The following TRPC5OS variants were observed in gnomAD, a reference collection of about 807,000 sequenced individuals.
TRPC5OS encodes putative uncharacterized protein TRPC5OS.
For missense variants in TRPC5OS, 64 were observed against 79.3 expected, an observed-to-expected ratio of 0.81 and a Z score of 0.73; for synonymous variants, 30 against 29.3, an observed-to-expected ratio of 1.02 and a Z score of -0.08.
Position 111,902,387 on chromosome X carries a change from A to G in TRPC5OS, c.*202A>G. ...TTTTCATCTTTGTTGTTATTCAGAA[A>G]GTTCTGTCTTTTGCCATGTAGGTCT... On this transcript the variant is annotated 3_prime_UTR_variant, in exon 4 of 4. Transcript: ENST00000635763. 1 of 304,436 alleles carries G rather than the reference A, an allele frequency of 3.3e-6. No homozygotes were observed. Among genetic ancestry groups the G allele is most frequent in the Non-Finnish European group, 5.6e-6 (1 of 177,171 alleles). The allele number at this position is 304,436 out of a possible 1,213,427, so 25.1% of individuals were successfully genotyped here.
At chrX:111,893,411 G>C (rs927154157) in intron 1 of TRPC5OS, among the ~76,000 whole-genome samples, 1 of 111,675 alleles carries the variant, frequency 9.0e-6, no homozygotes, top group Non-Finnish European at 1.9e-5. Context: ...GGTCCTACCA[G>C]GTTAAGATTG....
intron 1 of TRPC5OS, among the ~76,000 whole-genome samples, chrX:111,882,526 A>AAG (rs1924275180): frequency 8.8e-6 from 1 of 113,126 alleles, no homozygotes; most frequent in Admixed American, 9.3e-5. Context: ...CAGCTTAATC[A>AAG]AGACAAGGCC....
intron 1 of TRPC5OS, among the ~76,000 whole-genome samples, chrX:111,885,555 T>C (rs762444126): frequency 8.3e-5 from 9 of 108,728 alleles, no homozygotes; most frequent in Non-Finnish European, 1.3e-4. Context: ...TTTTTTTTTT[T>C]TTAAAAAAAG....
chrX:111,892,032 G>T (rs1490705668), intron 1 of TRPC5OS, among the ~76,000 whole-genome samples: 3 of 111,831 alleles, frequency 2.7e-5, no homozygotes, highest in African/African-American at 9.8e-5. Context: ...GCAGGCAGAG[G>T]GAAGCAATCT....
intron 1 of TRPC5OS, among the ~76,000 whole-genome samples, chrX:111,885,914 C>A (rs1006571835): frequency 9.0e-6 from 1 of 111,704 alleles, no homozygotes; most frequent in East Asian, 2.8e-4. Flanking sequence ...CTTAAGTGAA[C>A]TAAGGCAAGA....
chrX:111,886,409 A>G (rs1269270489), intron 1 of TRPC5OS, among the ~76,000 whole-genome samples: 1 of 112,578 alleles, frequency 8.9e-6, no homozygotes, highest in African/African-American at 3.2e-5. Flanking sequence ...TCCATGTATT[A>G]TCTAAAATCT....
chrX:111,876,063 T>C (rs1449604621), upstream of TRPC5OS: 1 of 107,710 alleles, frequency 9.3e-6, no homozygotes, highest in African/African-American at 3.4e-5. Context: ...AAAAGACAAA[T>C]GTGGCAAACA....
chrX:111,897,682 A>G (rs1002740810), intron 3 of TRPC5OS, among the ~76,000 whole-genome samples: 1 of 111,815 alleles, frequency 8.9e-6, no homozygotes, highest in Non-Finnish European at 1.9e-5. Context: ...AATGTTGATT[A>G]TTCCTCCATG....
chrX:111,892,584 AG>A (rs1158657534), intron 1 of TRPC5OS, among the ~76,000 whole-genome samples: 1 of 111,692 alleles, frequency 9.0e-6, no homozygotes, highest in Non-Finnish European at 1.9e-5. Flanking sequence ...AGTGCTTCAG[AG>A]GAAGTTAGAC....
At chrX:111,876,941 C>A (rs1052025250) in intron 1 of TRPC5OS, among the ~76,000 whole-genome samples, 7 of 111,554 alleles carry the variant, frequency 6.3e-5, no homozygotes, top group South Asian at 3.9e-4. Flanking sequence ...AGTCATCATG[C>A]TCAAATGCCT....
chrX:111,882,954 C>A (rs1344684567), intron 1 of TRPC5OS, among the ~76,000 whole-genome samples: 8 of 110,809 alleles, frequency 7.2e-5, no homozygotes, highest in African/African-American at 2.6e-4. Context: ...GGCATGATGG[C>A]ATGCTCCTGT....
chrX:111,888,443 G>A (rs1000331530), intron 1 of TRPC5OS, among the ~76,000 whole-genome samples: 13 of 105,652 alleles, frequency 1.2e-4, no homozygotes, highest in African/African-American at 4.5e-4. Context: ...GGGAGGCCGA[G>A]GCGGGCGGAT....
At chrX:111,885,615 C>T (rs752349476) in intron 1 of TRPC5OS, among the ~76,000 whole-genome samples, 1 of 108,986 alleles carries the variant, frequency 9.2e-6, no homozygotes, top group East Asian at 2.9e-4. Context: ...ACATTCATAA[C>T]ATTATCTTGT....
At position 111,888,653 on chromosome X, in the gene TRPC5OS, C is replaced by T. The variant is rs1924637344; in HGVS notation, c.-545-7298C>T. Among the ~76,000 whole-genome samples the T allele has an allele frequency of 1.0e-4, 9 of 88,580 alleles. No homozygotes were observed. In the Admixed American group the frequency reaches 1.2e-3, roughly 12 times the overall value. 76.9% of individuals were successfully genotyped at this position (88,580 alleles called of 115,157 possible). On this transcript the variant is annotated intron_variant, in intron 1 of 3. Coordinates refer to ENST00000635763, the MANE Select transcript of TRPC5OS (RefSeq NM_001195578.2). ...AGGTTGTGGTGAGCTGAGATCATGC[C>T]ACTGTACTCTAGCCTGGGTGACAGA...
intron 1 of TRPC5OS, among the ~76,000 whole-genome samples, chrX:111,891,664 C>T (rs1924814007): frequency 9.0e-6 from 1 of 111,447 alleles, no homozygotes; most frequent in African/African-American, 3.3e-5. Flanking sequence ...CCTCAGCCTC[C>T]AGAGTAGCTG....
intron 1 of TRPC5OS, among the ~76,000 whole-genome samples, chrX:111,891,565 G>A (rs780919975): frequency 9.0e-6 from 1 of 110,681 alleles, no homozygotes; most frequent in East Asian, 2.8e-4. Flanking sequence ...TTTTGAGATG[G>A]AGTCTCACAC....
intron 1 of TRPC5OS, among the ~76,000 whole-genome samples, chrX:111,893,145 C>T (rs1924889997): frequency 1.9e-5 from 2 of 106,703 alleles, no homozygotes; most frequent in South Asian, 4.3e-4. Context: ...TTATATCTCT[C>T]CCAAAAAGCA....
chrX:111,901,257 G>A lies in TRPC5OS; in HGVS notation c.-310-283G>A, dbSNP rs187508141. On this transcript the variant is annotated intron_variant, in intron 3 of 3. Coordinates refer to ENST00000635763, the MANE Select transcript of TRPC5OS (RefSeq NM_001195578.2). ...GGTGCTAATAATTGACAGACCCTGC[G>A]TGAGTGTATCCTTCCTCAAAAGAGA... Among the ~76,000 whole-genome samples, 6 of 111,368 alleles carry A rather than the reference G, an allele frequency of 5.4e-5. No individual in the cohort carries two copies. The Admixed American group carries it at 5.7e-4, about 11-fold the overall frequency.
intron 1 of TRPC5OS, among the ~76,000 whole-genome samples, chrX:111,895,373 AGATT>A (rs1301604151): frequency 8.9e-6 from 1 of 112,011 alleles, no homozygotes; most frequent in Non-Finnish European, 1.9e-5. Context: ...TTTAAAAATT[AGATT>A]GATTATGTTT....
Sources: gnomAD v4.1 joint callset for allele counts (sites outside exome capture counted in the v4.1 genomes callset) on GRCh38, gnomAD v4.1.1 for gene constraint, MANE v1.5 for transcripts, NCBI Gene and HGNC (gene_info 2026-07-23, HGNC 2026-07-21) for gene names.